CDKL1: variants seen among roughly 807,000 people sequenced by gnomAD.
The protein encoded by CDKL1 is cyclin-dependent kinase-like 1.
In CDKL1, 41 loss-of-function variants were observed where a neutral mutation model predicts 42.0. The observed-to-expected ratio is 0.98, with a 90% confidence interval of 0.76 to 1.27. The LOEUF (loss-of-function observed/expected upper bound fraction) is 1.27. Ranked by LOEUF, CDKL1 falls within the 50% of genes most tolerant of loss-of-function variation. The pLI, the probability that CDKL1 is intolerant of heterozygous loss-of-function variation, is 0.00. For synonymous variants in CDKL1, 153 were observed against 158.6 expected (o/e 0.96, Z 0.26); for missense variants, 394 against 428.4 (o/e 0.92, Z 0.71).
At chr14:50,330,661 T>C (rs1331269687) in intron 9 of CDKL1, 1 of 153,070 alleles carries the variant, frequency 6.5e-6, no homozygotes, top group Non-Finnish European at 1.5e-5. Flanking sequence ...GAGCATCCCT[T>C]GAGCCCAGGA....
In CDKL1 at chr14:50,326,580, C is replaced by T. The variant is rs767539716; in HGVS notation, c.*3494G>A. ...GTTCTTGATAGCATACAGACTTACT[C>T]AGAATCAACAGTTGCTGCTTAATTT... On this transcript the variant is annotated 3_prime_UTR_variant, in exon 10 of 10. Transcript: ENST00000395834. 4 of 985,300 alleles carry T rather than the reference C, an allele frequency of 4.1e-6. No individual in the cohort carries two copies. Among genetic ancestry groups the T allele is most frequent in the Non-Finnish European group, 3.6e-6 (3 of 829,942 alleles). The allele number at this position is 985,300 out of a possible 1,614,324, so 61.0% of individuals were successfully genotyped here.
At chr14:50,377,605 G>C in intron 2 of CDKL1, 1 of 1,358,586 alleles carries the variant, frequency 7.4e-7, no homozygotes, top group South Asian at 1.2e-5. Context: ...TCATGGAGCA[G>C]ATGGCAACAA....
Position 50,326,425 on chromosome 14 carries a change from A to G in CDKL1, c.*3649T>C. ...TGAAGCATACTACCATAAATGCACA[A>G]TTATGAAAAATTAGAAGCTAAATTA... On this transcript the variant is annotated 3_prime_UTR_variant, in exon 10 of 10. Transcript: ENST00000395834. The G allele has an allele frequency of 2.0e-6, 2 of 978,844 alleles. No homozygotes were observed. The highest frequency in any genetic ancestry group is 2.4e-6 in the Non-Finnish European group (2 of 823,986). 60.6% of individuals were successfully genotyped at this position (978,844 alleles called of 1,614,324 possible). A position where few individuals can be genotyped will look rare whatever the true frequency, so the allele number is the denominator to read the frequency against.
chr14:50,332,527 T>C (rs1389324719), intron 8 of CDKL1, 95 bp from the exon 9 acceptor site: 32 of 1,510,828 alleles, frequency 2.1e-5, no homozygotes, highest in Non-Finnish European at 2.5e-5. Flanking sequence ...AAACTTCAGT[T>C]GCAATAAGAA....
chr14:50,377,473 C>T, intron 2 of CDKL1: 2 of 746,050 alleles, frequency 2.7e-6, no homozygotes, highest in Non-Finnish European at 3.5e-6. Flanking sequence ...CCAAAATAAA[C>T]TCCTAACACA....
At chr14:50,368,310 G>A (rs950629568) in intron 2 of CDKL1, among the ~76,000 whole-genome samples, 1 of 152,058 alleles carries the variant, frequency 6.6e-6, no homozygotes, top group Admixed American at 6.5e-5. Flanking sequence ...AGGCTGGAGT[G>A]CAGTGGCATG....
Position 50,329,878 on chromosome 14 carries a change from T to C in CDKL1, c.*196A>G. 1 of 623,750 alleles carries C rather than the reference T, an allele frequency of 1.6e-6. No homozygotes were observed. 38.6% of individuals were successfully genotyped at this position (623,750 alleles called of 1,614,324 possible). On this transcript the variant is annotated 3_prime_UTR_variant, in exon 10 of 10. Coordinates refer to ENST00000395834, the MANE Select transcript of CDKL1 (RefSeq NM_004196.7). ...AACTCCAAACAGGTTTTTTCTTTTC[T>C]GGACACCATCATCAAGCATGGAAGA...
intron 2 of CDKL1, among the ~76,000 whole-genome samples, chr14:50,376,970 A>AG (rs1363008531): frequency 6.6e-6 from 1 of 152,200 alleles, no homozygotes; most frequent in African/African-American, 2.4e-5. Flanking sequence ...AAGAAGGTAA[A>AG]GGTCTTAAGG....
At position 50,332,451 on chromosome 14, in the gene CDKL1, C is replaced by A. The variant is rs771270147; in HGVS notation, c.796-19G>T. ...GACAGCCCTAAAAGAACAGAAAATT[C>A]CTTCTTCTTACTTCTTCAAAATTGT... On this transcript the variant is annotated intron_variant, in intron 8 of 9. Coordinates refer to ENST00000395834, the MANE Select transcript of CDKL1 (RefSeq NM_004196.7). The A allele has an allele frequency of 5.7e-6, 9 of 1,580,286 alleles. No homozygotes were observed. The South Asian group carries it at 1.1e-4, about 19-fold the overall frequency.
At chr14:50,345,698 A>G (rs575847838) in intron 3 of CDKL1, among the ~76,000 whole-genome samples, 2 of 152,282 alleles carry the variant, frequency 1.3e-5, no homozygotes, top group East Asian at 3.9e-4. Context: ...TTGTTATTAA[A>G]TGTTAATAAT....
chr14:50,384,530 G>C (rs74803329), intron 2 of CDKL1, among the ~76,000 whole-genome samples: 2,445 of 152,090 alleles, frequency 0.016, 66 homozygotes, highest in African/African-American at 0.056. Context: ...ACAGGAGTTA[G>C]ATGGAAGGAG....
intron 8 of CDKL1, chr14:50,332,987 G>A: frequency 3.9e-6 from 1 of 257,644 alleles, no homozygotes; most frequent in Non-Finnish European, 7.2e-6. Context: ...ATAAGGAGAG[G>A]CATAACGTAC....
At chr14:50,363,643 C>T (rs2034351246) in intron 2 of CDKL1, among the ~76,000 whole-genome samples, 2 of 152,260 alleles carry the variant, frequency 1.3e-5, no homozygotes, top group South Asian at 4.1e-4. Flanking sequence ...TTCCACATTC[C>T]ATATTTAGTC....
intron 2 of CDKL1, among the ~76,000 whole-genome samples, chr14:50,381,069 C>A (rs566913907): frequency 1.3e-5 from 2 of 152,302 alleles, no homozygotes; most frequent in Admixed American, 6.5e-5. Context: ...GCAGCATGTA[C>A]AGCCCTTGGG....
intron 2 of CDKL1, among the ~76,000 whole-genome samples, chr14:50,394,647 G>C (rs552355814): frequency 1.3e-5 from 2 of 152,212 alleles, no homozygotes; most frequent in Non-Finnish European, 2.9e-5. Context: ...TCAGAACAGA[G>C]AGGCCATAAC....
intron 2 of CDKL1, chr14:50,378,037 A>C: frequency 1.3e-6 from 1 of 799,068 alleles, no homozygotes; most frequent in South Asian, 1.8e-5. Context: ...TATGGTGAGA[A>C]AAGAGAATCA....
chr14:50,385,591 G>A (rs1176805129), intron 2 of CDKL1, among the ~76,000 whole-genome samples: 2 of 151,860 alleles, frequency 1.3e-5, no homozygotes, highest in African/African-American at 4.8e-5. Context: ...GGATCACAAG[G>A]TCAGGAGTTA....
At chr14:50,345,355 A>G (rs78006760) in intron 3 of CDKL1, among the ~76,000 whole-genome samples, 1 of 152,374 alleles carries the variant, frequency 6.6e-6, no homozygotes, top group East Asian at 1.9e-4. Flanking sequence ...AACATCTGTG[A>G]CACCACTGGG....
intron 9 of CDKL1, 195 bp from the exon 10 acceptor site, chr14:50,330,376 G>A: frequency 1.8e-6 from 1 of 565,780 alleles, no homozygotes; most frequent in East Asian, 3.8e-5. Context: ...ATATTAAAAA[G>A]GAAAAACATT....
Sources: gnomAD v4.1 joint callset for allele counts (sites outside exome capture counted in the v4.1 genomes callset) on GRCh38, gnomAD v4.1.1 for gene constraint, MANE v1.5 for transcripts, NCBI Gene and HGNC (gene_info 2026-07-23, HGNC 2026-07-21) for gene names.